Variants in KAT6B observed in about 807,000 individuals in gnomAD.
KAT6B encodes lysine acetyltransferase 6B, also known as histone acetyltransferase KAT6B.
A neutral mutation model predicts 187.5 loss-of-function variants in KAT6B; 10 were observed. The ratio of observed to expected loss-of-function variants is 0.05; its 90% confidence interval spans 0.03 to 0.09. KAT6B has a LOEUF of 0.09. Ranked by LOEUF, KAT6B falls within the 10% of genes least tolerant of loss-of-function variation. The pLI, the probability that KAT6B is intolerant of heterozygous loss-of-function variation, is 1.00. For synonymous variants in KAT6B, 861 were observed against 926.8 expected, an observed-to-expected ratio of 0.93 and a Z score of 1.29; for missense variants, 1,952 against 2,558.9, an observed-to-expected ratio of 0.76 and a Z score of 5.12.
chr10:74,975,141 T>C (rs564854887), intron 7 of KAT6B, among the ~76,000 whole-genome samples: 1 of 152,318 alleles, frequency 6.6e-6, no homozygotes, highest in Admixed American at 6.5e-5. Context: ...CTCTTCAGCA[T>C]TTTTCTTGCT....
chr10:74,939,526 A>G (rs918431103), intron 3 of KAT6B, among the ~76,000 whole-genome samples: 2 of 151,866 alleles, frequency 1.3e-5, no homozygotes, highest in Admixed American at 1.3e-4. Flanking sequence ...TCTGCCTCCC[A>G]AGTAGCTGGG....
At chr10:74,898,886 C>T (rs1846173150) in intron 3 of KAT6B, among the ~76,000 whole-genome samples, 1 of 151,476 alleles carries the variant, frequency 6.6e-6, no homozygotes, top group African/African-American at 2.4e-5. Flanking sequence ...CACGGTGGCT[C>T]ATTCCTGTAA....
chr10:74,916,461 G>A (rs1847686596), intron 3 of KAT6B, among the ~76,000 whole-genome samples: 2 of 152,168 alleles, frequency 1.3e-5, no homozygotes. Flanking sequence ...GCAGTGATGT[G>A]TCAGAATGAA....
intron 12 of KAT6B, among the ~76,000 whole-genome samples, chr10:74,986,940 G>A (rs908806138): frequency 1.0e-4 from 15 of 149,518 alleles, no homozygotes; most frequent in Non-Finnish European, 1.9e-4. Flanking sequence ...CATGTGTAGA[G>A]TTGGTGGTGA....
intron 3 of KAT6B, among the ~76,000 whole-genome samples, chr10:74,955,924 CT>C (rs1226902550): frequency 1.3e-5 from 2 of 152,002 alleles, no homozygotes; most frequent in Non-Finnish European, 2.9e-5. Context: ...GTCCTGCCCC[CT>C]GCCTCCCTTC....
chr10:74,927,002 G>C (rs997474029), intron 3 of KAT6B, among the ~76,000 whole-genome samples: 1 of 152,140 alleles, frequency 6.6e-6, no homozygotes, highest in Admixed American at 6.5e-5. Flanking sequence ...GGAGGCAGTG[G>C]AATCATCACA....
At chr10:74,956,982 G>GT (rs1417579114) in intron 3 of KAT6B, among the ~76,000 whole-genome samples, 23 of 152,276 alleles carry the variant, frequency 1.5e-4, no homozygotes, top group Middle Eastern at 3.4e-3. Context: ...GAGATTTTTG[G>GT]TATCATTTTC....
chr10:75,022,253 C>T (rs1210027954), intron 16 of KAT6B, 22 bp downstream of exon 16: 2 of 1,612,744 alleles, frequency 1.2e-6, no homozygotes, highest in Non-Finnish European at 1.7e-6. Context: ...TTTAGATTTT[C>T]TGTGAGTCGC....
chr10:75,031,190 A>G lies in KAT6B; in HGVS notation c.*144A>G. 2 of 909,032 alleles carry G rather than the reference A, an allele frequency of 2.2e-6. No individual in the cohort carries two copies. The highest frequency in any genetic ancestry group is 2.3e-4 in the Middle Eastern group (1 of 4,350). The allele number at this position is 909,032 out of a possible 1,614,324, so 56.3% of individuals were successfully genotyped here. ...GCACCATTTATTTAAAAAAAAAAAA[A>G]GCTGTATGCAGCAGAAAGCCTTATA... is the stretch of plus-strand genomic sequence containing the variant. On this transcript the variant is annotated 3_prime_UTR_variant, in exon 18 of 18. Coordinates refer to ENST00000287239, the MANE Select transcript of KAT6B (RefSeq NM_012330.4).
chr10:74,908,578 TA>T (rs1846963984), intron 3 of KAT6B, among the ~76,000 whole-genome samples: 1 of 143,640 alleles, frequency 7.0e-6, no homozygotes, highest in Admixed American at 6.9e-5. Flanking sequence ...GAAAGAGAAA[TA>T]AACTCCTTTT....
intron 13 of KAT6B, among the ~76,000 whole-genome samples, chr10:75,009,804 G>A (rs532654801): frequency 2.0e-5 from 3 of 152,248 alleles, no homozygotes; most frequent in Admixed American, 1.3e-4. Flanking sequence ...TCAGGAGTTC[G>A]AGACCAGCCT....
At chr10:74,933,031 G>A (rs146286222) in intron 3 of KAT6B, among the ~76,000 whole-genome samples, 32 of 152,220 alleles carry the variant, frequency 2.1e-4, no homozygotes, top group African/African-American at 5.3e-4. Context: ...TTTTTCCTGT[G>A]TTGTTTCACA....
intron 3 of KAT6B, among the ~76,000 whole-genome samples, chr10:74,939,229 A>T (rs190207988): frequency 1.3e-5 from 2 of 152,246 alleles, no homozygotes. Context: ...GTTTGAGTTG[A>T]TTCTTCCAAT....
chr10:74,903,737 G>A (rs1023953751), intron 3 of KAT6B, among the ~76,000 whole-genome samples: 3 of 152,208 alleles, frequency 2.0e-5, no homozygotes, highest in Non-Finnish European at 4.4e-5. Context: ...ATGAATGGGT[G>A]TTGTTTTAAG....
intron 10 of KAT6B, 115 bp from the exon 11 acceptor site, chr10:74,981,672 C>A: frequency 1.3e-6 from 1 of 799,620 alleles, no homozygotes; most frequent in Non-Finnish European, 2.1e-6. Context: ...CTGCACCCAG[C>A]CTCCAATGTT....
At chr10:74,848,120 T>C (rs1178012416) in intron 3 of KAT6B, among the ~76,000 whole-genome samples, 1 of 152,086 alleles carries the variant, frequency 6.6e-6, no homozygotes, top group Non-Finnish European at 1.5e-5. Flanking sequence ...GGTTTCACCA[T>C]GTTGGCCAGG....
At position 75,030,250 on chromosome 10, in the gene KAT6B, C is replaced by G; in HGVS notation, c.5426C>G (p.Pro1809Arg). Reference protein sequence around the residue: ...GQSDFGAGHYPQPSATFSLAK... With the variant: ...GQSDFGAGHYRQPSATFSLAK... ...AGTGATTTTGGGGCTGGGCATTACC[C>G]GCAGCCGTCAGCCACCTTCAGCCTT... is the stretch of plus-strand genomic sequence containing the variant. The change falls in exon 18 of 18, where the codon CCG (proline) becomes CGG (arginine). Residue 1809 changes from proline to arginine, a missense_variant. This residue lies in a region of KAT6B where 358 missense variants were observed against 436.3 expected (regional missense o/e 0.82). Coordinates refer to ENST00000287239, the MANE Select transcript of KAT6B (RefSeq NM_012330.4). This position sits in a 1 kb window ranked among gnomAD's most constrained non-coding sequence, Gnocchi z 4.8. 1 of 1,614,224 alleles carries G rather than the reference C, an allele frequency of 6.2e-7. No individual in the cohort carries two copies. Among genetic ancestry groups the G allele is most frequent in the Non-Finnish European group, 8.5e-7 (1 of 1,180,034 alleles).
At chr10:74,942,261 A>G (rs1306934916) in intron 3 of KAT6B, among the ~76,000 whole-genome samples, 2 of 152,252 alleles carry the variant, frequency 1.3e-5, no homozygotes, top group East Asian at 1.9e-4. Flanking sequence ...CCAGAAATAT[A>G]TAAAAAGGAT....
intron 13 of KAT6B, among the ~76,000 whole-genome samples, chr10:75,018,496 G>A (rs537987675): frequency 6.6e-6 from 1 of 152,336 alleles, no homozygotes; most frequent in South Asian, 2.1e-4. Flanking sequence ...GACAGGGTGT[G>A]TGTGCACCAC....
Sources: allele counts gnomAD v4.1 joint callset (sites outside exome capture counted in the v4.1 genomes callset), GRCh38; gene constraint gnomAD v4.1.1; regional missense constraint gnomAD v4.1.1; non-coding constraint Gnocchi (gnomAD v3.1); transcripts MANE v1.5; gene names NCBI Gene and HGNC (gene_info 2026-07-23, HGNC 2026-07-21).